The following ZBBX variants were observed in gnomAD, a reference collection of about 807,000 sequenced individuals.
The protein encoded by ZBBX is zinc finger B-box domain-containing protein 1.
A neutral mutation model predicts 108.5 loss-of-function variants in ZBBX; 101 were observed. The ratio of observed to expected loss-of-function variants is 0.93; its 90% confidence interval spans 0.79 to 1.10. The LOEUF (loss-of-function observed/expected upper bound fraction) is 1.10. Ranked by LOEUF, ZBBX falls within the 50% of genes least tolerant of loss-of-function variation. The probability of loss-of-function intolerance (pLI) is 0.00; values close to 1 mark genes in which losing one functional copy is unlikely to be tolerated. For missense variants in ZBBX, 1,009 were observed against 941.4 expected (o/e 1.07, Z -0.94); for synonymous variants, 356 against 323.4 (o/e 1.10, Z -1.08).
chr3:167,335,481 C>T (rs528867193), intron 9 of ZBBX, among the ~76,000 whole-genome samples: 3 of 152,046 alleles, frequency 2.0e-5, no homozygotes, highest in African/African-American at 4.8e-5. Context: ...GATTCAGAAT[C>T]GTCAGATGCT....
chr3:167,259,656 G>A (rs571583134), intron 20 of ZBBX, among the ~76,000 whole-genome samples: 113 of 152,082 alleles, frequency 7.4e-4, no homozygotes, highest in African/African-American at 2.7e-3. Flanking sequence ...TTACCCCAGA[G>A]GTTTTGATAC....
At chr3:167,388,298 T>A (rs1747981704) in intron 1 of ZBBX, among the ~76,000 whole-genome samples, 1 of 151,926 alleles carries the variant, frequency 6.6e-6, no homozygotes. Context: ...GAGATAAGAC[T>A]ATATGGAGGG....
the ZBBX span, among the ~76,000 whole-genome samples, chr3:167,224,105 G>A: frequency 6.6e-6 from 1 of 151,924 alleles, no homozygotes; most frequent in African/African-American, 2.4e-5. Flanking sequence ...CCAATTAGCA[G>A]TCCATTATTC....
chr3:167,390,495 A>C (rs1357492410), intron 1 of ZBBX, among the ~76,000 whole-genome samples: 26 of 151,854 alleles, frequency 1.7e-4, no homozygotes, highest in Admixed American at 1.7e-3. Context: ...TGAAATTTAA[A>C]GTAGTTGTTT....
At chr3:167,262,242 T>A (rs1724678052) in intron 20 of ZBBX, among the ~76,000 whole-genome samples, 1 of 152,188 alleles carries the variant, frequency 6.6e-6, no homozygotes, top group African/African-American at 2.4e-5. Context: ...AGGAGCAGTC[T>A]GCTTTCTTCA....
intron 3 of ZBBX, 148 bp from the exon 4 acceptor site, chr3:167,373,098 G>A: frequency 2.1e-6 from 1 of 474,044 alleles, no homozygotes; most frequent in East Asian, 3.3e-5. Context: ...ATTATACACT[G>A]TTAGCCCTTT....
At chr3:167,304,401 G>A (rs1033203728) in intron 17 of ZBBX, among the ~76,000 whole-genome samples, 1 of 152,124 alleles carries the variant, frequency 6.6e-6, no homozygotes, top group African/African-American at 2.4e-5. Context: ...TTTCTCTGCT[G>A]AAATGCATGC....
chr3:167,280,212 C>T (rs1341388610), intron 20 of ZBBX, among the ~76,000 whole-genome samples: 1 of 151,332 alleles, frequency 6.6e-6, no homozygotes. Flanking sequence ...TCTAAAACAC[C>T]AAAAGCAATG....
chr3:167,226,618 C>T, the ZBBX span, among the ~76,000 whole-genome samples: 2 of 151,746 alleles, frequency 1.3e-5, no homozygotes, highest in South Asian at 2.1e-4. Context: ...AAATTCCAAG[C>T]TCAATCTTGG....
At chr3:167,350,083 A>G (rs1010978655) in intron 9 of ZBBX, among the ~76,000 whole-genome samples, 18 of 152,056 alleles carry the variant, frequency 1.2e-4, no homozygotes, top group Non-Finnish European at 2.6e-4. Flanking sequence ...AAAACTATAG[A>G]AATAATATTT....
At chr3:167,223,326 C>T in the ZBBX span, among the ~76,000 whole-genome samples, 1 of 151,960 alleles carries the variant, frequency 6.6e-6, no homozygotes, top group Non-Finnish European at 1.5e-5. Flanking sequence ...AAATTATCTG[C>T]ATAGTGCTGC....
At position 167,315,738 on chromosome 3, in the gene ZBBX, GA is replaced by G; in HGVS notation, c.1274+11del. The G allele has an allele frequency of 6.3e-7, 1 of 1,594,386 alleles. No homozygotes were observed. Among genetic ancestry groups the G allele is most frequent in the Non-Finnish European group, 8.6e-7 (1 of 1,167,136 alleles). On this transcript the variant is annotated intron_variant, in intron 15 of 21. Coordinates refer to ENST00000675490, the MANE Select transcript of ZBBX (RefSeq NM_001199201.2). ...CTCAATATGCACACAAAGTTAATTA[GA>G]AAGGTTTTACCTTCGTTGACTGTCT...
the ZBBX span, among the ~76,000 whole-genome samples, chr3:167,185,457 C>T: frequency 6.6e-6 from 1 of 152,018 alleles, no homozygotes; most frequent in Non-Finnish European, 1.5e-5. Flanking sequence ...CAGTTACATA[C>T]ATTTATACTT....
the ZBBX span, among the ~76,000 whole-genome samples, chr3:167,188,786 G>A: frequency 6.6e-6 from 1 of 152,168 alleles, no homozygotes; most frequent in African/African-American, 2.4e-5. Context: ...CCTTGTCCTA[G>A]GTGAGAGTGT....
chr3:167,250,760 G>T (rs1424406493), intron 20 of ZBBX, among the ~76,000 whole-genome samples: 1 of 152,070 alleles, frequency 6.6e-6, no homozygotes, highest in Non-Finnish European at 1.5e-5. Flanking sequence ...TGATACCGGA[G>T]GGGTCGAGGA....
chr3:167,320,768 T>A (rs1221785685), intron 12 of ZBBX, among the ~76,000 whole-genome samples: 1 of 152,002 alleles, frequency 6.6e-6, no homozygotes, highest in Non-Finnish European at 1.5e-5. Context: ...AGACACATAC[T>A]CTCTGTGGCA....
chr3:167,389,743 AT>A (rs981401631), intron 1 of ZBBX, among the ~76,000 whole-genome samples: 1 of 151,544 alleles, frequency 6.6e-6, no homozygotes, highest in African/African-American at 2.4e-5. Context: ...TGATGAGCTT[AT>A]TTTCATGTTT....
At chr3:167,301,680 G>A (rs538269241) in intron 17 of ZBBX, among the ~76,000 whole-genome samples, 76 of 151,836 alleles carry the variant, frequency 5.0e-4, no homozygotes, top group Admixed American at 7.9e-4. Flanking sequence ...ATATTTGGAC[G>A]GGCGCAGTGG....
At chr3:167,246,981 T>C (rs555776572) in intron 20 of ZBBX, among the ~76,000 whole-genome samples, 6 of 152,262 alleles carry the variant, frequency 3.9e-5, no homozygotes, top group African/African-American at 1.4e-4. Context: ...TTACTGTATG[T>C]AGGAAGTGAT....
Sources: allele counts gnomAD v4.1 joint callset (sites outside exome capture counted in the v4.1 genomes callset), GRCh38; gene constraint gnomAD v4.1.1; transcripts MANE v1.5; gene names NCBI Gene and HGNC (gene_info 2026-07-23, HGNC 2026-07-21).